MERTK: variants seen among roughly 807,000 people sequenced by gnomAD.
MERTK encodes the protein MER proto-oncogene, tyrosine kinase.
MERTK carries 69 observed loss-of-function variants against 99.3 expected under a neutral mutation model. That is an observed-to-expected ratio of 0.70 (90% confidence interval 0.57 to 0.85). MERTK has a LOEUF of 0.85. MERTK is among the 40% of genes least tolerant of loss of function. MERTK has a pLI of 0.00. For missense variants in MERTK, 1,125 were observed against 1,249.4 expected (o/e 0.90, Z 1.50); for synonymous variants, 426 against 467.6 (o/e 0.91, Z 1.15).
At chr2:111,902,187 T>G (rs931587483) in intron 1 of MERTK, among the ~76,000 whole-genome samples, 2 of 152,218 alleles carry the variant, frequency 1.3e-5, no homozygotes, top group Admixed American at 6.5e-5. Flanking sequence ...ACCCAGCCAA[T>G]AATTATATTT....
Position 111,975,502 on chromosome 2 carries a change from C to T in MERTK, c.1144+30C>T, listed in dbSNP as rs377295767. The T allele has an allele frequency of 1.7e-4, 268 of 1,604,332 alleles. 1 individual carries two copies. Among genetic ancestry groups the T allele is most frequent in the Non-Finnish European group, 2.2e-4 (257 of 1,171,478 alleles). On this transcript the variant is annotated intron_variant, in intron 7 of 18. Coordinates refer to ENST00000295408, the MANE Select transcript of MERTK (RefSeq NM_006343.3). ...TTCCTGGGGTTCAGAATGTATATTG[C>T]CCCCAATGACATGTGATTCAACAAA...
intron 6 of MERTK, among the ~76,000 whole-genome samples, chr2:111,973,567 C>T (rs1464318442): frequency 6.6e-6 from 1 of 152,128 alleles, no homozygotes; most frequent in Non-Finnish European, 1.5e-5. Context: ...AATTACAGTA[C>T]TGTATATCCA....
At chr2:111,919,799 CTT>C (rs5833425) in intron 1 of MERTK, among the ~76,000 whole-genome samples, 80 of 130,382 alleles carry the variant, frequency 6.1e-4, no homozygotes, top group East Asian at 1.1e-3. Flanking sequence ...TTTTTCTTTT[CTT>C]TTTTTTTTTT....
intron 6 of MERTK, among the ~76,000 whole-genome samples, chr2:111,974,156 A>G (rs1676186920): frequency 6.6e-6 from 1 of 150,836 alleles, no homozygotes; most frequent in South Asian, 2.1e-4. Flanking sequence ...TGGGAGGCCA[A>G]GGCAGGCAGA....
chr2:112,019,344 C>G (rs763462252), intron 15 of MERTK, 69 bp from the exon 16 acceptor site: 8 of 1,135,130 alleles, frequency 7.0e-6, no homozygotes, highest in East Asian at 2.3e-5. Context: ...TTTCCCCCCC[C>G]GGCAGAAACT....
chr2:112,016,205 G>A (rs1483491581), intron 15 of MERTK, among the ~76,000 whole-genome samples: 1 of 152,154 alleles, frequency 6.6e-6, no homozygotes, highest in Non-Finnish European at 1.5e-5. Context: ...AAGTTCTGCT[G>A]TAATCTTATA....
intron 1 of MERTK, among the ~76,000 whole-genome samples, chr2:111,923,831 C>T (rs547144799): frequency 3.4e-4 from 52 of 152,266 alleles, no homozygotes; most frequent in Non-Finnish European, 6.2e-4. Flanking sequence ...GGAAAAGATA[C>T]GTTATACAAC....
At chr2:112,009,917 T>C (rs774216644) in intron 14 of MERTK, 31 bp from the exon 15 acceptor site, 20 of 1,517,876 alleles carry the variant, frequency 1.3e-5, no homozygotes, top group Non-Finnish European at 1.6e-5. Context: ...ACAAGGACTC[T>C]TTGTAATTGA....
chr2:111,979,208 A>G (rs574716024), intron 7 of MERTK, among the ~76,000 whole-genome samples: 34 of 152,324 alleles, frequency 2.2e-4, no homozygotes, highest in African/African-American at 7.2e-4. Context: ...ATGTATACAT[A>G]AAAAGTAAAG....
intron 6 of MERTK, among the ~76,000 whole-genome samples, chr2:111,970,683 C>G (rs1469647631): frequency 6.7e-6 from 1 of 150,158 alleles, no homozygotes; most frequent in Non-Finnish European, 1.5e-5. Context: ...CCTTCTCCTC[C>G]TCCTCCCTCC....
chr2:111,935,283 C>A (rs1410630071), intron 2 of MERTK, among the ~76,000 whole-genome samples: 2 of 152,156 alleles, frequency 1.3e-5, no homozygotes, highest in Admixed American at 6.5e-5. Flanking sequence ...CAGACCTGGT[C>A]CCTGTCCTCC....
chr2:111,920,292 C>A (rs1558771555), intron 1 of MERTK, among the ~76,000 whole-genome samples: 1 of 152,194 alleles, frequency 6.6e-6, no homozygotes, highest in Non-Finnish European at 1.5e-5. Flanking sequence ...TGTGGCTGGG[C>A]TGTGACCTCT....
At chr2:111,996,763 G>A (rs959011582) in intron 9 of MERTK, among the ~76,000 whole-genome samples, 15 of 152,146 alleles carry the variant, frequency 9.9e-5, no homozygotes, top group African/African-American at 3.4e-4. Flanking sequence ...AACATTGAAA[G>A]AACAAAAGCT....
Position 111,959,103 on chromosome 2 carries a change from G to C in MERTK, c.758-6088G>C, listed in dbSNP as rs74894521. 1.9e-3 allele frequency among the ~76,000 whole-genome samples: 294 copies of C among 152,208 alleles called. 1 individual carries two copies. Among genetic ancestry groups the C allele is most frequent in the African/African-American group, 6.4e-3 (264 of 41,506 alleles). On this transcript the variant is annotated intron_variant, in intron 4 of 18. Transcript: ENST00000295408. Reference sequence around the variant, plus strand: ...AGGTTTTGCAAGTTCATGCAGCCTGGTGGTTGAAATGGGCATATCACTTGG... The same window carrying C: ...AGGTTTTGCAAGTTCATGCAGCCTGCTGGTTGAAATGGGCATATCACTTGG...
At chr2:112,027,197 T>C (rs1677481512) in intron 18 of MERTK, among the ~76,000 whole-genome samples, 1 of 150,750 alleles carries the variant, frequency 6.6e-6, no homozygotes, top group African/African-American at 2.4e-5. Context: ...ACACACACAT[T>C]TTTATATATA....
intron 1 of MERTK, among the ~76,000 whole-genome samples, chr2:111,920,770 T>A (rs2104676950): frequency 6.6e-6 from 1 of 152,236 alleles, no homozygotes; most frequent in East Asian, 1.9e-4. Context: ...TCTCCCTGCC[T>A]CACCCTCCCG....
rs765178143 is a variant in MERTK at position 112,008,440 on chromosome 2, A to C, written c.1925A>C (p.Lys642Thr). The change falls in exon 14 of 19, where the codon AAA (lysine) becomes ACA (threonine). Residue 642 changes from lysine (K) to threonine (T), a missense_variant. Transcript: ENST00000295408. ...EEFLSEAACM[K>T]DFSHPNVIRL... ...TTTCTCAGTGAGGCAGCGTGCATGAAAGACTTCAGCCACCCAAATGTCATT... is the reference window on the plus strand; with the variant it reads ...TTTCTCAGTGAGGCAGCGTGCATGACAGACTTCAGCCACCCAAATGTCATT... The C allele has an allele frequency of 1.2e-6, 2 of 1,614,158 alleles. No individual in the cohort carries two copies. The highest frequency in any genetic ancestry group is 3.3e-5 in the Admixed American group (2 of 60,014).
chr2:111,973,681 CTGTT>C (rs760534538), intron 6 of MERTK, among the ~76,000 whole-genome samples: 8 of 152,226 alleles, frequency 5.3e-5, no homozygotes, highest in East Asian at 1.9e-4. Flanking sequence ...ATCATTTTGT[CTGTT>C]CTGATTTTAT....
intron 1 of MERTK, chr2:111,912,935 C>A: frequency 1.6e-6 from 1 of 622,922 alleles, no homozygotes; most frequent in Non-Finnish European, 2.0e-6. Flanking sequence ...GAGAGCTGGG[C>A]AAGTCGTTTA....
Sources: gnomAD v4.1 joint callset for allele counts (sites outside exome capture counted in the v4.1 genomes callset) on GRCh38, gnomAD v4.1.1 for gene constraint, MANE v1.5 for transcripts, NCBI Gene and HGNC (gene_info 2026-07-23, HGNC 2026-07-21) for gene names.